The following SATB2 variants were observed in gnomAD, a reference collection of about 807,000 sequenced individuals.
SATB2 encodes DNA-binding protein SATB2.
Under a neutral mutation model 73.4 loss-of-function variants are expected in SATB2, and 1 was observed. The ratio of observed to expected loss-of-function variants is 0.01; its 90% CI spans 0.00 to 0.06. The LOEUF (loss-of-function observed/expected upper bound fraction) is 0.06. SATB2 is among the 10% of genes least tolerant of loss of function. The pLI is 1.00. For synonymous variants in SATB2, 397 were observed against 367.0 expected, an observed-to-expected ratio of 1.08 and a Z score of -0.93; for missense variants, 459 against 945.8, an observed-to-expected ratio of 0.49 and a Z score of 6.75.
At chr2:199,468,685 T>C (rs1005561498), upstream of SATB2, among the ~76,000 whole-genome samples, 1 of 152,210 alleles carries the variant, frequency 6.6e-6, no homozygotes, top group Non-Finnish European at 1.5e-5. Context: ...CTTCGTTAAA[T>C]GGGCTGTTGG....
intron 5 of SATB2, among the ~76,000 whole-genome samples, chr2:199,370,180 G>A (rs777076799): frequency 4.6e-5 from 7 of 151,966 alleles, no homozygotes; most frequent in African/African-American, 7.3e-5. Context: ...GCTAGCTCCC[G>A]CTCTGGCTGA....
At position 199,433,468 on chromosome 2, in the gene SATB2, A is replaced by T. The variant is rs754229634; in HGVS notation, c.216T>A (p.Ser72=). 2 of 1,614,086 alleles carry T rather than the reference A, an allele frequency of 1.2e-6. No homozygotes were observed. Among genetic ancestry groups the T allele is most frequent in the Admixed American group, 1.7e-5 (1 of 60,000 alleles). ...GTTCTTCTCTGTTGTCATATTCAAG[A>T]GAGCCGTCCAACTGCTCCACGACAC... ...VFCVVEQLDG[S]LEYDNREEHA... The change falls in exon 3 of 11, where the codon TCT becomes TCA. Residue 72 remains serine, a synonymous_variant. Coordinates refer to ENST00000417098, the MANE Select transcript of SATB2 (RefSeq NM_001172509.2).
intron 3 of SATB2, among the ~76,000 whole-genome samples, chr2:199,429,137 A>G: frequency 6.6e-6 from 1 of 152,198 alleles, no homozygotes; most frequent in East Asian, 1.9e-4. Context: ...AAACAGAAAT[A>G]CATCTGTATC....
At chr2:199,458,701 T>C (rs1326521530), upstream of SATB2, 2 of 442,978 alleles carry the variant, frequency 4.5e-6, no homozygotes, top group Non-Finnish European at 9.0e-6. Context: ...CCAGCTCTGT[T>C]AACTGCGCGG....
intron 10 of SATB2, among the ~76,000 whole-genome samples, chr2:199,277,880 G>T (rs567314849): frequency 6.6e-6 from 1 of 152,254 alleles, no homozygotes; most frequent in East Asian, 1.9e-4. Context: ...TAGATAATTT[G>T]TTTAAGGTGC....
intron 3 of SATB2, among the ~76,000 whole-genome samples, chr2:199,418,293 C>T (rs1574610142): frequency 1.3e-5 from 2 of 152,124 alleles, no homozygotes; most frequent in East Asian, 3.9e-4. Flanking sequence ...AACGCCTAAC[C>T]ACTGCACTAT....
At chr2:199,404,489 A>C (rs1690574795) in intron 3 of SATB2, among the ~76,000 whole-genome samples, 1 of 152,224 alleles carries the variant, frequency 6.6e-6, no homozygotes, top group Non-Finnish European at 1.5e-5. Flanking sequence ...GCACAGTATA[A>C]TTCTGAGTGC....
chr2:199,356,132 A>G (rs1558999770), intron 6 of SATB2, among the ~76,000 whole-genome samples: 1 of 150,672 alleles, frequency 6.6e-6, no homozygotes, highest in Non-Finnish European at 1.5e-5. Context: ...TAAATGGATT[A>G]GCATGAATGA....
chr2:199,309,250 C>G (rs1687526624), intron 9 of SATB2, among the ~76,000 whole-genome samples: 2 of 152,164 alleles, frequency 1.3e-5, no homozygotes, highest in Admixed American at 1.3e-4. Context: ...GTCATCTGTT[C>G]TCAGAAAAAG....
chr2:199,329,127 A>G (rs1688117169), intron 7 of SATB2: 1 of 591,882 alleles, frequency 1.7e-6, no homozygotes. Context: ...CTGACACTTT[A>G]TCATCACTGT....
intron 10 of SATB2, among the ~76,000 whole-genome samples, chr2:199,273,478 G>A (rs754366676): frequency 7.9e-5 from 12 of 152,142 alleles, no homozygotes; most frequent in Non-Finnish European, 1.3e-4. Flanking sequence ...GGAATAATTG[G>A]TACTTAAGCC....
chr2:199,295,661 T>C (rs531614724), intron 10 of SATB2, among the ~76,000 whole-genome samples: 1 of 152,302 alleles, frequency 6.6e-6, no homozygotes, highest in East Asian at 1.9e-4. Context: ...GCTCACTGAA[T>C]CCCTTTGCCT....
intron 8 of SATB2, among the ~76,000 whole-genome samples, chr2:199,328,146 G>A (rs1336122258): frequency 2.6e-5 from 4 of 152,104 alleles, no homozygotes; most frequent in South Asian, 2.1e-4. Flanking sequence ...CACCTACCAC[G>A]TATGGAAGAA....
intron 3 of SATB2, among the ~76,000 whole-genome samples, chr2:199,401,200 T>C (rs148936420): frequency 6.6e-6 from 1 of 152,088 alleles, no homozygotes. Context: ...GTCTACTTAG[T>C]CTCACCAATA....
In SATB2 at chr2:199,455,802, G is replaced by T; in HGVS notation, c.169+67C>A. 6.6e-7 allele frequency: 1 copy of T among 1,509,808 alleles called. No homozygotes were observed. 93.5% of individuals were successfully genotyped at this position (1,509,808 alleles called of 1,614,324 possible). On this transcript the variant is annotated intron_variant, in intron 2 of 10. Coordinates refer to ENST00000417098, the MANE Select transcript of SATB2 (RefSeq NM_001172509.2). This position sits in a 1 kb window ranked among gnomAD's most constrained non-coding sequence, Gnocchi z 4.1. ...CACCGCGACAGCGCCTAATCAACCT[G>T]AACCCTGACACCCGGGCCATTATCA...
At chr2:199,296,727 A>C (rs1687112316) in intron 10 of SATB2, among the ~76,000 whole-genome samples, 2 of 152,138 alleles carry the variant, frequency 1.3e-5, no homozygotes, top group Admixed American at 6.5e-5. Flanking sequence ...AAAGAAAACA[A>C]AACAGTAGAT....
upstream of SATB2, chr2:199,458,662 G>T (rs1458537611): frequency 2.3e-6 from 1 of 442,432 alleles, no homozygotes; most frequent in Admixed American, 2.4e-5. Context: ...AGACCGACGC[G>T]CAAGAGGCGA....
chr2:199,327,809 C>G (rs529734759), intron 8 of SATB2, among the ~76,000 whole-genome samples: 1 of 152,146 alleles, frequency 6.6e-6, no homozygotes, highest in Non-Finnish European at 1.5e-5. Flanking sequence ...TTAAGGCCTA[C>G]CTTTCCACCA....
intron 10 of SATB2, among the ~76,000 whole-genome samples, chr2:199,283,027 G>A (rs1692573826): frequency 6.6e-6 from 1 of 151,830 alleles, no homozygotes; most frequent in African/African-American, 2.4e-5. Flanking sequence ...ATAGGCCCAT[G>A]CCATCAAAAC....
Sources: gnomAD v4.1 joint callset for allele counts (sites outside exome capture counted in the v4.1 genomes callset) on GRCh38, gnomAD v4.1.1 for gene constraint, Gnocchi (gnomAD v3.1) non-coding constraint, MANE v1.5 for transcripts, NCBI Gene and HGNC (gene_info 2026-07-23, HGNC 2026-07-21) for gene names.